TACR1: variants seen among roughly 807,000 people sequenced by gnomAD.
TACR1 encodes substance-P receptor.
A neutral mutation model predicts 35.8 loss-of-function variants in TACR1; 25 were observed. That is an observed-to-expected ratio of 0.70 (90% CI 0.51 to 0.98). The LOEUF is 0.98. TACR1 is among the 50% of genes least tolerant of loss of function. TACR1 has a pLI of 0.00. For synonymous variants in TACR1, 195 were observed against 206.7 expected (o/e 0.94, Z 0.48); for missense variants, 478 against 522.9 (o/e 0.91, Z 0.84).
At chr2:75,093,553 T>C (rs143833825) in intron 2 of TACR1, among the ~76,000 whole-genome samples, 37 of 152,246 alleles carry the variant, frequency 2.4e-4, no homozygotes, top group African/African-American at 8.9e-4. Context: ...ATCTGTGAAG[T>C]AGACAGGAGT....
intron 1 of TACR1, chr2:75,156,083 T>C (rs1430248790): frequency 6.6e-6 from 1 of 152,272 alleles, no homozygotes; most frequent in Non-Finnish European, 1.5e-5. Context: ...TGTTTACATA[T>C]TGTCTATGGC....
At position 75,051,401 on chromosome 2, in the gene TACR1, C is replaced by A; in HGVS notation, c.782G>T (p.Trp261Leu). The change falls in exon 4 of 5, where the codon TGG becomes TTG. Residue 261 changes from tryptophan to leucine, a missense_variant. Transcript: ENST00000305249. Reference sequence around the variant, plus strand: ...GAGGAAGAAGATGTGGAAGGGCAGCCAGCAGATGGCGAAGGTGCACACCAC... The same window carrying A: ...GAGGAAGAAGATGTGGAAGGGCAGCAAGCAGATGGCGAAGGTGCACACCAC... ...IVVVCTFAICWLPFHIFFLLP... is the reference protein window; with the variant it reads ...IVVVCTFAICLLPFHIFFLLP... The A allele has an allele frequency of 6.2e-7, 1 of 1,614,146 alleles. No individual in the cohort carries two copies. Among genetic ancestry groups the A allele is most frequent in the Non-Finnish European group, 8.5e-7 (1 of 1,180,024 alleles).
intron 1 of TACR1, among the ~76,000 whole-genome samples, chr2:75,190,843 G>T (rs778463693): frequency 1.3e-5 from 2 of 151,528 alleles, no homozygotes. Flanking sequence ...TTTATTAAAG[G>T]GTGCGCTCAT....
intron 2 of TACR1, among the ~76,000 whole-genome samples, chr2:75,104,154 C>A (rs1558554092): frequency 6.6e-6 from 1 of 152,016 alleles, no homozygotes; most frequent in African/African-American, 2.4e-5. Flanking sequence ...AAAGTATATT[C>A]TGCCTGTAAG....
At position 75,051,311 on chromosome 2, in the gene TACR1, A is replaced by G. The variant is rs758218510; in HGVS notation, c.872T>C (p.Met291Thr). The G allele has an allele frequency of 6.2e-7, 1 of 1,614,238 alleles. No individual in the cohort carries two copies. The highest frequency in any genetic ancestry group is 8.5e-7 in the Non-Finnish European group (1 of 1,180,038). ...CATGGTGGAGCTCATGGCCAGCCAC[A>G]TGATGGCCAGGTAGACCTGCTGGAT... Reference protein sequence around the residue: ...KFIQQVYLAIMWLAMSSTMYN... With the variant: ...KFIQQVYLAITWLAMSSTMYN... Residue 291 changes from methionine (M) to threonine (T), a missense_variant, in exon 4 of 5, where the codon ATG becomes ACG. Coordinates refer to ENST00000305249, the MANE Select transcript of TACR1 (RefSeq NM_001058.4).
chr2:75,178,444 C>G (rs1675481098), intron 1 of TACR1, among the ~76,000 whole-genome samples: 1 of 151,988 alleles, frequency 6.6e-6, no homozygotes, highest in South Asian at 2.1e-4. Context: ...CTCAGCCTCC[C>G]AAAGTGCTGG....
chr2:75,075,624 A>G (rs1208137107), intron 2 of TACR1, among the ~76,000 whole-genome samples: 1 of 152,228 alleles, frequency 6.6e-6, no homozygotes, highest in African/African-American at 2.4e-5. Context: ...ATAAATCAAA[A>G]TATGTCAATG....
intron 4 of TACR1, among the ~76,000 whole-genome samples, chr2:75,050,046 G>A (rs149707256): frequency 1.2e-4 from 19 of 152,242 alleles, no homozygotes; most frequent in South Asian, 2.1e-4. Flanking sequence ...TCAACAAAAC[G>A]CATTCACCAA....
intron 1 of TACR1, among the ~76,000 whole-genome samples, chr2:75,131,896 C>A (rs925276508): frequency 1.3e-5 from 2 of 152,082 alleles, no homozygotes; most frequent in Non-Finnish European, 2.9e-5. Context: ...AATTGTAAAT[C>A]AAAATATTTT....
rs953132332 is a variant in TACR1, at chr2:75,048,194, G to A, written c.*1238C>T. 6.6e-6 allele frequency: 1 copy of A among 152,204 alleles called. No homozygotes were observed. Among genetic ancestry groups the A allele is most frequent in the Non-Finnish European group, 1.5e-5 (1 of 68,034 alleles). The allele number at this position is 152,204 out of a possible 1,614,324, so 9.4% of individuals were successfully genotyped here. ...TGCAAGATGCCCTCTTCCCAGAAGT[G>A]CAGCTGCAAAGTGCAGCCTTCTTGC... On this transcript the variant is annotated 3_prime_UTR_variant, in exon 5 of 5. Transcript: ENST00000305249.
intron 1 of TACR1, among the ~76,000 whole-genome samples, chr2:75,128,792 C>T (rs532042650): frequency 6.6e-6 from 1 of 152,234 alleles, no homozygotes; most frequent in Non-Finnish European, 1.5e-5. Flanking sequence ...TAGCTCACAA[C>T]ATTTGTGAGC....
intron 2 of TACR1, among the ~76,000 whole-genome samples, chr2:75,061,844 A>G (rs996213806): frequency 5.3e-5 from 8 of 152,194 alleles, no homozygotes; most frequent in African/African-American, 1.9e-4. Flanking sequence ...CTACCCATGA[A>G]CAAGACAGGG....
rs201256854 is a variant in TACR1, at chr2:75,199,270, C to G, written c.-336G>C. On this transcript the variant is annotated 5_prime_UTR_variant, in exon 1 of 5. Coordinates refer to ENST00000305249, the MANE Select transcript of TACR1 (RefSeq NM_001058.4). ...CACAGTTCTAGGAAGCAAGAGATCCCCCGCATTTATGCACCTGCTGCTGCC... is the reference window on the plus strand; with the variant it reads ...CACAGTTCTAGGAAGCAAGAGATCCGCCGCATTTATGCACCTGCTGCTGCC... 9.5e-5 allele frequency: 25 copies of G among 263,036 alleles called. No homozygotes were observed. The highest frequency in any genetic ancestry group is 4.7e-4 in the African/African-American group (22 of 46,664). 16.3% of individuals were successfully genotyped at this position (263,036 alleles called of 1,614,324 possible).
intron 2 of TACR1, among the ~76,000 whole-genome samples, chr2:75,075,729 G>T (rs1318047881): frequency 2.6e-5 from 4 of 152,118 alleles, no homozygotes; most frequent in African/African-American, 9.7e-5. Context: ...AACAAATTCA[G>T]CTAATTGCTG....
chr2:75,086,594 G>A (rs1049887941), intron 2 of TACR1, among the ~76,000 whole-genome samples: 9 of 152,156 alleles, frequency 5.9e-5, no homozygotes, highest in Non-Finnish European at 1.3e-4. Flanking sequence ...TTTGTGAAAT[G>A]GGGGATTATG....
In TACR1 at chr2:75,047,154, T is replaced by C. The variant is rs924374422; in HGVS notation, c.*2278A>G. On this transcript the variant is annotated 3_prime_UTR_variant, in exon 5 of 5. Coordinates refer to ENST00000305249, the MANE Select transcript of TACR1 (RefSeq NM_001058.4). ...CTCTTACTATGCACAGAGATGATAC[T>C]GTTCAACCAAATTCCTTTAGGTCCC... 2 of 152,256 alleles carry C rather than the reference T, an allele frequency of 1.3e-5. No individual in the cohort carries two copies. Among genetic ancestry groups the C allele is most frequent in the East Asian group, 1.9e-4 (1 of 5,202 alleles). The allele number at this position is 152,256 out of a possible 1,614,324, so 9.4% of individuals were successfully genotyped here. A position where few individuals can be genotyped will look rare whatever the true frequency, so the allele number is the denominator to read the frequency against.
chr2:75,145,011 T>C (rs1402784485), intron 1 of TACR1, among the ~76,000 whole-genome samples: 2 of 152,162 alleles, frequency 1.3e-5, no homozygotes, highest in Non-Finnish European at 2.9e-5. Flanking sequence ...CAATAATCAA[T>C]ACATTTGGAA....
chr2:75,117,801 T>A (rs1673894750), intron 2 of TACR1, among the ~76,000 whole-genome samples: 1 of 152,212 alleles, frequency 6.6e-6, no homozygotes, highest in Non-Finnish European at 1.5e-5. Context: ...AATAAAGTGT[T>A]GACTATCTCA....
At chr2:75,158,557 G>C (rs747636992) in intron 1 of TACR1, among the ~76,000 whole-genome samples, 1 of 152,160 alleles carries the variant, frequency 6.6e-6, no homozygotes, top group Non-Finnish European at 1.5e-5. Flanking sequence ...GTTAGCAGCA[G>C]GGTTAAAAGT....
Sources: gnomAD v4.1 joint callset for allele counts (sites outside exome capture counted in the v4.1 genomes callset) on GRCh38, gnomAD v4.1.1 for gene constraint, MANE v1.5 for transcripts, NCBI Gene and HGNC (gene_info 2026-07-23, HGNC 2026-07-21) for gene names.